Variants in PELI2 observed in about 807,000 individuals in gnomAD.
PELI2 encodes the protein E3 ubiquitin-protein ligase pellino homolog 2.
A neutral mutation model predicts 42.3 loss-of-function variants in PELI2; 23 were observed. The observed-to-expected ratio is 0.54, with a 90% CI of 0.39 to 0.77. PELI2 has a LOEUF of 0.77. PELI2 is among the 30% of genes least tolerant of loss of function. The pLI is 0.00. For missense variants in PELI2, 463 were observed against 553.2 expected (o/e 0.84, Z 1.64); for synonymous variants, 245 against 212.2 (o/e 1.15, Z -1.34).
intron 2 of PELI2, among the ~76,000 whole-genome samples, chr14:56,229,724 G>T (rs993073274): frequency 9.2e-5 from 14 of 152,182 alleles, no homozygotes; most frequent in Non-Finnish European, 1.5e-4. Context: ...ACCAGCAACA[G>T]AACAAAGCTG....
At chr14:56,119,802 C>T (rs1190827681) in intron 1 of PELI2, 1 of 984,848 alleles carries the variant, frequency 1.0e-6, no homozygotes, top group African/African-American at 1.7e-5. Context: ...GCTCTGGGAA[C>T]CCGCGCTTTT....
At position 56,241,455 on chromosome 14, in the gene PELI2, G is replaced by A. The variant is rs540493918; in HGVS notation, c.208-38221G>A. On this transcript the variant is annotated intron_variant, in intron 2 of 5. Coordinates refer to ENST00000267460, the MANE Select transcript of PELI2 (RefSeq NM_021255.3). ...AATTGATGTACCTCCAGATAGAAAG[G>A]GTGCAGCAAGTACAGGAGTGTTTTG... is the stretch of plus-strand genomic sequence containing the variant. Among the ~76,000 whole-genome samples, 39 of 152,218 alleles carry A rather than the reference G, an allele frequency of 2.6e-4. No individual in the cohort carries two copies. The South Asian group carries it at 6.0e-3, about 23-fold the overall frequency.
chr14:56,196,810 A>AT (rs1214490935), intron 2 of PELI2, among the ~76,000 whole-genome samples: 1 of 152,116 alleles, frequency 6.6e-6, no homozygotes, highest in Non-Finnish European at 1.5e-5. Context: ...TTTAATTTGT[A>AT]GAATCTGTTA....
At chr14:56,138,514 C>T (rs1289942004) in intron 1 of PELI2, among the ~76,000 whole-genome samples, 2 of 151,678 alleles carry the variant, frequency 1.3e-5, no homozygotes, top group East Asian at 3.9e-4. Context: ...TCTACAGTAT[C>T]TACCTTTATT....
In PELI2 at chr14:56,290,536, T is replaced by A. The variant is rs80045621; in HGVS notation, c.696+80T>A. On this transcript the variant is annotated intron_variant, in intron 5 of 5. Transcript: ENST00000267460. ...GAAGGCTATCATTTTCCTCCCCTGATGTTCAGAACCTTTGTGCAGGTCCAA... is the reference window on the plus strand; with the variant it reads ...GAAGGCTATCATTTTCCTCCCCTGAAGTTCAGAACCTTTGTGCAGGTCCAA... 1.8e-3 allele frequency: 1,980 copies of A among 1,095,814 alleles called. 23 individuals are homozygous for A. The African/African-American group carries it at 0.027, about 15-fold the overall frequency. The allele number at this position is 1,095,814 out of a possible 1,614,324, so 67.9% of individuals were successfully genotyped here.
chr14:56,277,749 CTTAAATG>C (rs796685079), intron 2 of PELI2, among the ~76,000 whole-genome samples: 51 of 152,158 alleles, frequency 3.4e-4, no homozygotes, highest in African/African-American at 1.1e-3. Flanking sequence ...GGGAGAAATA[CTTAAATG>C]TTAAAATAGC....
At chr14:56,227,871 T>G (rs4901658) in intron 2 of PELI2, among the ~76,000 whole-genome samples, 60,496 of 151,630 alleles carry the variant, frequency 0.4, 12,800 homozygotes, top group South Asian at 0.53. Context: ...ATAAGCCAGA[T>G]TGAAGGAGTT....
chr14:56,163,501 T>TA (rs1455907462), intron 1 of PELI2, among the ~76,000 whole-genome samples: 3 of 152,170 alleles, frequency 2.0e-5, no homozygotes, highest in Non-Finnish European at 4.4e-5. Flanking sequence ...TTAAGTCAGG[T>TA]AATGTGATTT....
chr14:56,146,569 G>C (rs181989500), intron 1 of PELI2, among the ~76,000 whole-genome samples: 27 of 152,270 alleles, frequency 1.8e-4, no homozygotes, highest in Non-Finnish European at 3.2e-4. Flanking sequence ...ATTTTGCCAG[G>C]TTGACATGTA....
intron 2 of PELI2, among the ~76,000 whole-genome samples, chr14:56,276,809 C>T (rs77282205): frequency 1.1e-5 from 1 of 87,442 alleles, no homozygotes; most frequent in Non-Finnish European, 2.9e-5. Flanking sequence ...TAACCCTGGC[C>T]ATTTGCCTTA....
chr14:56,244,065 G>A (rs1467112885), intron 2 of PELI2, among the ~76,000 whole-genome samples: 1 of 152,120 alleles, frequency 6.6e-6, no homozygotes, highest in Non-Finnish European at 1.5e-5. Flanking sequence ...TAAACCAGTT[G>A]AGTCTTCCCA....
At chr14:56,161,623 G>A (rs1884768587) in intron 1 of PELI2, among the ~76,000 whole-genome samples, 1 of 152,188 alleles carries the variant, frequency 6.6e-6, no homozygotes, top group Admixed American at 6.5e-5. Flanking sequence ...GGCTGAGTCT[G>A]TCAAAAGACA....
chr14:56,198,775 G>A lies in PELI2; in HGVS notation c.207+20311G>A, dbSNP rs144825257. On this transcript the variant is annotated intron_variant, in intron 2 of 5. Coordinates refer to ENST00000267460, the MANE Select transcript of PELI2 (RefSeq NM_021255.3). ...TATGCTGATGGAGATGACCCAGTAT[G>A]GTGGGATATTGATGACAAGTAGAGA... Among the ~76,000 whole-genome samples, 216 of 152,280 alleles carry A rather than the reference G, an allele frequency of 1.4e-3. 1 individual carries two copies. Among genetic ancestry groups the A allele is most frequent in the Non-Finnish European group, 2.7e-3 (181 of 68,010 alleles).
chr14:56,176,539 T>G (rs1191819782), intron 1 of PELI2, among the ~76,000 whole-genome samples: 1 of 152,180 alleles, frequency 6.6e-6, no homozygotes, highest in Non-Finnish European at 1.5e-5. Context: ...GAACCTTCAC[T>G]TGACCAAAGC....
chr14:56,232,998 T>C lies in PELI2; in HGVS notation c.208-46678T>C, dbSNP rs1887643179. Among the ~76,000 whole-genome samples the C allele has an allele frequency of 1.3e-5, 2 of 152,060 alleles. 1 individual carries two copies. Among genetic ancestry groups the C allele is most frequent in the African/African-American group, 4.8e-5 (2 of 41,402 alleles). ...GAGCCAAATCATGAGTGAAGTCCCA[T>C]TCACAGTTGCTTCAAAGAGAATAAA... On this transcript the variant is annotated intron_variant, in intron 2 of 5. Coordinates refer to ENST00000267460, the MANE Select transcript of PELI2 (RefSeq NM_021255.3).
intron 3 of PELI2, among the ~76,000 whole-genome samples, chr14:56,281,939 C>T (rs369502508): frequency 6.6e-6 from 1 of 152,264 alleles, no homozygotes; most frequent in East Asian, 1.9e-4. Context: ...CATTATCCTA[C>T]ATTCTATAAA....
intron 2 of PELI2, among the ~76,000 whole-genome samples, chr14:56,259,497 C>T (rs1228190305): frequency 1.3e-5 from 2 of 152,004 alleles, no homozygotes; most frequent in African/African-American, 2.4e-5. Flanking sequence ...GTTGGTTAAT[C>T]GTTCAAAAGT....
intron 2 of PELI2, among the ~76,000 whole-genome samples, chr14:56,234,757 A>T (rs965016857): frequency 1.3e-5 from 2 of 149,400 alleles, no homozygotes; most frequent in African/African-American, 4.9e-5. Flanking sequence ...TTTTTTTTAA[A>T]AAATGTAAAA....
Position 56,230,922 on chromosome 14 carries a change from GAAAAC to G in PELI2, c.208-48739_208-48735del, listed in dbSNP as rs1197380721. Among the ~76,000 whole-genome samples, 12 of 152,148 alleles carry G rather than the reference GAAAAC, an allele frequency of 7.9e-5. No individual in the cohort carries two copies. In the East Asian group the frequency reaches 1.5e-3, roughly 20 times the overall value. The stretch of plus-strand genomic sequence containing the variant: ...TGGAGGAAGGTCTACCAAGCAAATA[GAAAAC>G]AAAACAAAACAAAAGGCAGGGGTTG... On this transcript the variant is annotated intron_variant, in intron 2 of 5. Coordinates refer to ENST00000267460, the MANE Select transcript of PELI2 (RefSeq NM_021255.3).
Sources: gnomAD v4.1 joint callset for allele counts (sites outside exome capture counted in the v4.1 genomes callset) on GRCh38, gnomAD v4.1.1 for gene constraint, MANE v1.5 for transcripts, NCBI Gene and HGNC (gene_info 2026-07-23, HGNC 2026-07-21) for gene names.